CADM2: variants seen among roughly 807,000 people sequenced by gnomAD.
CADM2 encodes cell adhesion molecule 2.
CADM2 carries 12 observed loss-of-function variants against 49.8 expected under a neutral mutation model. That is an observed-to-expected ratio of 0.24 (90% CI 0.15 to 0.39). The LOEUF (loss-of-function observed/expected upper bound fraction) is 0.39. Among genes scored for constraint, CADM2 ranks in the 10% least tolerant of loss-of-function variants. The probability of loss-of-function intolerance (pLI) is 1.00; values close to 1 mark genes in which losing one functional copy is unlikely to be tolerated. For missense variants in CADM2, 378 were observed against 492.3 expected, an observed-to-expected ratio of 0.77 and a Z score of 2.20; for synonymous variants, 214 against 175.4, an observed-to-expected ratio of 1.22 and a Z score of -1.74.
intron 1 of CADM2, among the ~76,000 whole-genome samples, chr3:85,466,521 C>T (rs1442090461): frequency 6.6e-6 from 1 of 152,122 alleles, no homozygotes; most frequent in Admixed American, 6.6e-5. Flanking sequence ...CTGGTAGTCA[C>T]AACTCTAGCT....
intron 1 of CADM2, among the ~76,000 whole-genome samples, chr3:85,005,078 G>A (rs1020807868): frequency 1.3e-5 from 2 of 152,016 alleles, no homozygotes; most frequent in Non-Finnish European, 2.9e-5. Context: ...TGAGTAGCTG[G>A]GCTACTTATA....
chr3:86,012,729 C>A, intron 8 of CADM2: 1 of 859,208 alleles, frequency 1.2e-6, no homozygotes, highest in Non-Finnish European at 1.9e-6. Flanking sequence ...TTGACTCACG[C>A]CTGTAATCCC....
intron 5 of CADM2, among the ~76,000 whole-genome samples, chr3:85,896,245 C>G (rs1715201521): frequency 6.6e-6 from 1 of 152,090 alleles, no homozygotes; most frequent in Non-Finnish European, 1.5e-5. Context: ...ATGATAGCAC[C>G]ACTGCATTCT....
chr3:85,234,635 C>T (rs1451394939), intron 1 of CADM2, among the ~76,000 whole-genome samples: 1 of 152,082 alleles, frequency 6.6e-6, no homozygotes, highest in East Asian at 1.9e-4. Flanking sequence ...TTGTAAATAT[C>T]CTTAAGTGCG....
At chr3:85,649,470 G>C (rs79724503) in intron 1 of CADM2, among the ~76,000 whole-genome samples, 2 of 151,958 alleles carry the variant, frequency 1.3e-5, no homozygotes, top group South Asian at 4.2e-4. Context: ...TTTTGAAATC[G>C]ATAAAGAAAA....
intron 8 of CADM2, among the ~76,000 whole-genome samples, chr3:86,015,458 G>T (rs376112625): frequency 6.6e-6 from 1 of 152,152 alleles, no homozygotes; most frequent in East Asian, 1.9e-4. Flanking sequence ...CTTTGAAGAA[G>T]TATGTTTTGA....
chr3:86,004,506 C>T (rs1730548953), intron 8 of CADM2, among the ~76,000 whole-genome samples: 1 of 152,178 alleles, frequency 6.6e-6, no homozygotes, highest in Non-Finnish European at 1.5e-5. Context: ...ATGCTGTATT[C>T]CTGTGTGCAC....
chr3:85,164,090 A>G (rs973863127), intron 1 of CADM2, among the ~76,000 whole-genome samples: 7 of 151,964 alleles, frequency 4.6e-5, no homozygotes, highest in African/African-American at 1.7e-4. Context: ...TACATGTATT[A>G]TCTTTGAACA....
chr3:85,590,593 G>A (rs141752189), intron 1 of CADM2, among the ~76,000 whole-genome samples: 56 of 152,024 alleles, frequency 3.7e-4, no homozygotes, highest in African/African-American at 1.3e-3. Context: ...CCATTTAAGC[G>A]AGAATGAATG....
chr3:85,581,614 A>C (rs1036272336), intron 1 of CADM2, among the ~76,000 whole-genome samples: 1 of 152,082 alleles, frequency 6.6e-6, no homozygotes, highest in Non-Finnish European at 1.5e-5. Flanking sequence ...TTAATTTAAG[A>C]GGGCATTTAA....
chr3:85,889,214 A>G (rs1714094032), intron 5 of CADM2, among the ~76,000 whole-genome samples: 3 of 152,292 alleles, frequency 2.0e-5, no homozygotes, highest in South Asian at 2.1e-4. Flanking sequence ...CTCTATCACT[A>G]CCTAACATAT....
At chr3:85,795,670 AT>A (rs2071577567) in intron 2 of CADM2, among the ~76,000 whole-genome samples, 1 of 152,202 alleles carries the variant, frequency 6.6e-6, no homozygotes, top group African/African-American at 2.4e-5. Context: ...GAAAAAATAA[AT>A]TATAAAAGTA....
intron 2 of CADM2, among the ~76,000 whole-genome samples, chr3:85,797,810 T>C (rs2071718513): frequency 6.6e-6 from 1 of 152,202 alleles, no homozygotes; most frequent in South Asian, 2.1e-4. Context: ...GTATTTCTAG[T>C]TCTAGATCCT....
chr3:85,464,526 T>C (rs188783939), intron 1 of CADM2, among the ~76,000 whole-genome samples: 7 of 152,318 alleles, frequency 4.6e-5, no homozygotes, highest in Non-Finnish European at 8.8e-5. Flanking sequence ...GTGACCTGTC[T>C]ATTGTACTTA....
chr3:85,677,826 C>T (rs1239016085), intron 1 of CADM2, among the ~76,000 whole-genome samples: 1 of 152,134 alleles, frequency 6.6e-6, no homozygotes, highest in African/African-American at 2.4e-5. Flanking sequence ...TAGAGATAGA[C>T]AAGCAACATC....
intron 1 of CADM2, among the ~76,000 whole-genome samples, chr3:85,635,889 A>G (rs1056088317): frequency 6.6e-6 from 1 of 152,116 alleles, no homozygotes; most frequent in Admixed American, 6.6e-5. Flanking sequence ...AAAAAGTCCT[A>G]TTGCTCCGTA....
chr3:85,016,446 C>T (rs1456492942), intron 1 of CADM2, among the ~76,000 whole-genome samples: 1 of 152,090 alleles, frequency 6.6e-6, no homozygotes, highest in Non-Finnish European at 1.5e-5. Context: ...TTTAGTAGAC[C>T]TATACCTTTG....
intron 8 of CADM2, among the ~76,000 whole-genome samples, chr3:85,963,703 A>G (rs1725129369): frequency 6.6e-6 from 1 of 151,856 alleles, no homozygotes; most frequent in Non-Finnish European, 1.5e-5. Flanking sequence ...TCATCAGGAA[A>G]ATTCGTATAT....
chr3:85,988,619 T>TA (rs774105168), intron 8 of CADM2, among the ~76,000 whole-genome samples: 1 of 152,084 alleles, frequency 6.6e-6, no homozygotes, highest in Non-Finnish European at 1.5e-5. Flanking sequence ...TTAACAGAGT[T>TA]AAAAAAGAAA....
Sources: allele counts gnomAD v4.1 joint callset (sites outside exome capture counted in the v4.1 genomes callset), GRCh38; gene constraint gnomAD v4.1.1; transcripts MANE v1.5; gene names NCBI Gene and HGNC (gene_info 2026-07-23, HGNC 2026-07-21).